Variants in TMPRSS11A observed in about 807,000 individuals in gnomAD.
TMPRSS11A encodes the protein transmembrane serine protease 11A, also known as transmembrane protease serine 11A.
Under a neutral mutation model 58.9 loss-of-function variants are expected in TMPRSS11A, and 53 were observed. The observed-to-expected ratio is 0.90, with a 90% CI of 0.72 to 1.13. The LOEUF is 1.13. TMPRSS11A is among the 50% of genes most tolerant of loss of function. The probability of loss-of-function intolerance (pLI) is 0.00; values close to 1 mark genes in which losing one functional copy is unlikely to be tolerated. For synonymous variants in TMPRSS11A, 167 were observed against 169.8 expected, an observed-to-expected ratio of 0.98 and a Z score of 0.13; for missense variants, 493 against 499.3, an observed-to-expected ratio of 0.99 and a Z score of 0.12.
intron 1 of TMPRSS11A, among the ~76,000 whole-genome samples, chr4:67,961,630 C>T (rs1284191554): frequency 2.6e-5 from 4 of 151,572 alleles, no homozygotes; most frequent in Non-Finnish European, 4.4e-5. Flanking sequence ...CTTGCCTCAC[C>T]CTCCCAAGTA....
rs1720639841 is a variant in TMPRSS11A at position 67,932,067 on chromosome 4, C to T, written c.253-7G>A. ...CTATAAATATCTCATCCACCTGTTA[C>T]ACAACAAGAGAGAAACTATGTGTTA... On this transcript the variant is annotated splice_polypyrimidine_tract_variant and splice_region_variant and intron_variant, in intron 3 of 9. Coordinates refer to ENST00000508048, the MANE Select transcript of TMPRSS11A (RefSeq NM_001114387.2). 2 of 1,500,976 alleles carry T rather than the reference C, an allele frequency of 1.3e-6. No individual in the cohort carries two copies. Among genetic ancestry groups the T allele is most frequent in the Non-Finnish European group, 1.9e-6 (2 of 1,078,052 alleles). The allele number at this position is 1,500,976 out of a possible 1,614,324, so 93.0% of individuals were successfully genotyped here. A position where few individuals can be genotyped will look rare whatever the true frequency, so the allele number is the denominator to read the frequency against.
chr4:67,930,808 C>CT (rs67302217), intron 4 of TMPRSS11A, among the ~76,000 whole-genome samples: 2,682 of 51,122 alleles, frequency 0.052, 332 homozygotes, highest in African/African-American at 0.2. Flanking sequence ...GTTATCTCTC[C>CT]TTTTTTTTTT....
At chr4:67,947,392 C>T (rs1435982011) in intron 1 of TMPRSS11A, among the ~76,000 whole-genome samples, 2 of 152,054 alleles carry the variant, frequency 1.3e-5, no homozygotes, top group Non-Finnish European at 2.9e-5. Context: ...AGTCCTGCTT[C>T]TTTTTTAGTT....
chr4:67,925,533 T>C (rs1720443415), intron 5 of TMPRSS11A, among the ~76,000 whole-genome samples: 1 of 152,326 alleles, frequency 6.6e-6, no homozygotes, highest in African/African-American at 2.4e-5. Flanking sequence ...TGATAAACTC[T>C]ACAAAGTGGG....
intron 1 of TMPRSS11A, among the ~76,000 whole-genome samples, chr4:67,955,786 T>C (rs1321339283): frequency 6.6e-6 from 1 of 152,174 alleles, no homozygotes. Flanking sequence ...CTCATGCAAT[T>C]CATGGTACAA....
At chr4:67,921,970 T>C (rs984808872) in intron 7 of TMPRSS11A, among the ~76,000 whole-genome samples, 1 of 152,238 alleles carries the variant, frequency 6.6e-6, no homozygotes. Context: ...CTGGTTATTA[T>C]CTTGAAAAGT....
At chr4:67,930,829 T>TTTTTTTTAA (rs1265700805) in intron 4 of TMPRSS11A, among the ~76,000 whole-genome samples, 46 of 90,100 alleles carry the variant, frequency 5.1e-4, no homozygotes, top group African/African-American at 9.4e-4. Flanking sequence ...TTTTTTTTTT[T>TTTTTTTTAA]ACAAAAAAAA....
In TMPRSS11A at chr4:67,911,411, C is replaced by T. The variant is rs376494815; in HGVS notation, c.1188G>A (p.Lys396=). The stretch of plus-strand genomic sequence containing the variant: ...CTTGTGTGTAGACTCCAGGCTTGTC[C>T]TTTTGACCACAGTTATCTCCCCAGC... The part of the protein sequence containing the change: ...IVSWGDNCGQ[K]DKPGVYTQVT... Residue 396 remains lysine, a synonymous_variant, in exon 10 of 10, where the codon AAG becomes AAA. Transcript: ENST00000508048. 2 of 1,613,558 alleles carry T rather than the reference C, an allele frequency of 1.2e-6. No individual in the cohort carries two copies. The highest frequency in any genetic ancestry group is 1.1e-5 in the South Asian group (1 of 91,044).
intron 1 of TMPRSS11A, among the ~76,000 whole-genome samples, chr4:67,949,677 G>A (rs1412279828): frequency 6.6e-6 from 1 of 152,116 alleles, no homozygotes; most frequent in Non-Finnish European, 1.5e-5. Flanking sequence ...TGACCAACAT[G>A]GTAAAACCTT....
In TMPRSS11A at chr4:67,911,346, A is replaced by T; in HGVS notation, c.1253T>A (p.Ile418Asn). The T allele has an allele frequency of 1.2e-6, 2 of 1,612,830 alleles. No homozygotes were observed. The highest frequency in any genetic ancestry group is 3.3e-5 in the Admixed American group (2 of 59,874). ...TTGTTTAACTTTTATCGTGAATTAGATGCCTGTTTTTGAAGCAATCCAGTT... is the reference window on the plus strand; with the variant it reads ...TTGTTTAACTTTTATCGTGAATTAGTTGCCTGTTTTTGAAGCAATCCAGTT... ...YRNWIASKTGI is the reference protein window; with the variant it reads ...YRNWIASKTGN Residue 418 changes from isoleucine (I) to asparagine (N), a missense_variant, in exon 10 of 10, where the codon ATC becomes AAC. Coordinates refer to ENST00000508048, the MANE Select transcript of TMPRSS11A (RefSeq NM_001114387.2).
intron 1 of TMPRSS11A, among the ~76,000 whole-genome samples, chr4:67,949,815 C>T (rs933288594): frequency 6.6e-5 from 10 of 152,002 alleles, no homozygotes; most frequent in African/African-American, 1.4e-4. Context: ...GCTGAAATGG[C>T]GCCACTGCAC....
At chr4:67,952,065 T>C (rs1455360901) in intron 1 of TMPRSS11A, among the ~76,000 whole-genome samples, 1 of 152,238 alleles carries the variant, frequency 6.6e-6, no homozygotes, top group Non-Finnish European at 1.5e-5. Context: ...AATGACCATT[T>C]AATACCTGAA....
intron 3 of TMPRSS11A, among the ~76,000 whole-genome samples, chr4:67,935,749 A>G (rs1720736605): frequency 6.6e-6 from 1 of 152,178 alleles, no homozygotes; most frequent in South Asian, 2.1e-4. Context: ...ATTTTATAAG[A>G]CTTTTTAAAG....
At chr4:67,949,018 T>A (rs917641622) in intron 1 of TMPRSS11A, among the ~76,000 whole-genome samples, 1 of 152,160 alleles carries the variant, frequency 6.6e-6, no homozygotes, top group Non-Finnish European at 1.5e-5. Flanking sequence ...CTCATACATA[T>A]TCAATTTGTT....
intron 1 of TMPRSS11A, among the ~76,000 whole-genome samples, chr4:67,961,482 CCTTT>C (rs1721419280): frequency 9.8e-5 from 10 of 102,454 alleles, no homozygotes; most frequent in African/African-American, 3.3e-4. Flanking sequence ...CTTTTCTTTT[CCTTT>C]TTTTTTTTTT....
In TMPRSS11A at chr4:67,909,842, A is replaced by G. The variant is rs1039211614; in HGVS notation, c.*1500T>C. On this transcript the variant is annotated 3_prime_UTR_variant, in exon 10 of 10. Coordinates refer to ENST00000508048, the MANE Select transcript of TMPRSS11A (RefSeq NM_001114387.2). ...AGTATATTGGCCTATGTGACATGCA[A>G]TCTCTTCTCAGCTTTAAAATTCTAT... 6.6e-6 allele frequency: 1 copy of G among 152,100 alleles called. No homozygotes were observed. The highest frequency in any genetic ancestry group is 2.4e-5 in the African/African-American group (1 of 41,450). 9.4% of individuals were successfully genotyped at this position (152,100 alleles called of 1,614,324 possible).
intron 8 of TMPRSS11A, among the ~76,000 whole-genome samples, chr4:67,918,696 A>G (rs1720224898): frequency 6.6e-6 from 1 of 152,246 alleles, no homozygotes; most frequent in South Asian, 2.1e-4. Flanking sequence ...AGAGACACAG[A>G]GCCAGATGAC....
intron 5 of TMPRSS11A, 116 bp downstream of exon 5, chr4:67,929,764 T>C (rs1720563489): frequency 9.8e-7 from 1 of 1,019,368 alleles, no homozygotes; most frequent in Admixed American, 2.4e-5. Flanking sequence ...ACTTGAATTT[T>C]TTCATCTGAA....
chr4:67,920,527 T>TTATATATATATA (rs1180319358), intron 7 of TMPRSS11A, among the ~76,000 whole-genome samples: 10 of 132,720 alleles, frequency 7.5e-5, no homozygotes, highest in Admixed American at 1.5e-4. Context: ...AATGAGGTAA[T>TTATATATATATA]TATATATATA....
Sources: allele counts gnomAD v4.1 joint callset (sites outside exome capture counted in the v4.1 genomes callset), GRCh38; gene constraint gnomAD v4.1.1; transcripts MANE v1.5; gene names NCBI Gene and HGNC (gene_info 2026-07-23, HGNC 2026-07-21).